Variants in PEX1 observed in about 807,000 individuals in gnomAD.
The protein encoded by PEX1 is peroxisomal ATPase PEX1.
A neutral mutation model predicts 152.5 loss-of-function variants in PEX1; 97 were observed. The ratio of observed to expected loss-of-function variants is 0.64; its 90% confidence interval spans 0.54 to 0.75. PEX1 has a LOEUF of 0.75. Ranked by LOEUF, PEX1 falls within the 30% of genes least tolerant of loss-of-function variation. The probability of loss-of-function intolerance (pLI) is 0.00; values close to 1 mark genes in which losing one functional copy is unlikely to be tolerated. For synonymous variants in PEX1, 485 were observed against 531.6 expected (o/e 0.91, Z 1.21); for missense variants, 1,357 against 1,516.3 (o/e 0.89, Z 1.74).
At chr7:92,489,155 G>T in intron 23 of PEX1, 138 bp downstream of exon 23, 1 of 799,910 alleles carries the variant, frequency 1.3e-6, no homozygotes, top group Non-Finnish European at 2.0e-6. Context: ...TTAATGCATA[G>T]CTACGACACA....
chr7:92,515,792 A>G (rs1275566066), intron 5 of PEX1, among the ~76,000 whole-genome samples: 16 of 149,494 alleles, frequency 1.1e-4, no homozygotes, highest in Non-Finnish European at 1.5e-5. Context: ...CCAGGAGTTC[A>G]AGACTAGCCT....
chr7:92,498,087 A>C (rs1197317378), intron 16 of PEX1, among the ~76,000 whole-genome samples: 1 of 151,628 alleles, frequency 6.6e-6, no homozygotes, highest in Non-Finnish European at 1.5e-5. Flanking sequence ...AAAAAAAAAA[A>C]AAACTAAGGC....
intron 15 of PEX1, among the ~76,000 whole-genome samples, chr7:92,500,845 C>T (rs777242317): frequency 2.0e-5 from 3 of 152,156 alleles, no homozygotes; most frequent in Non-Finnish European, 4.4e-5. Flanking sequence ...CTATCTGCCT[C>T]GTCTATGCCT....
In PEX1 at chr7:92,499,893, CTAAG is replaced by C. The variant is rs1225760543; in HGVS notation, c.2584-59_2584-56del. 6.2e-5 allele frequency: 89 copies of C among 1,427,434 alleles called. 2 individuals are homozygous for C. The South Asian group carries it at 6.3e-4, about 10-fold the overall frequency. 88.4% of individuals were successfully genotyped at this position (1,427,434 alleles called of 1,614,324 possible). A position where few individuals can be genotyped will look rare whatever the true frequency, so the allele number is the denominator to read the frequency against. ...AGAGCTCAAGTCTAAACAGAAATGA[CTAAG>C]TAGCAGCTAAAGATCAATGTATAGA... On this transcript the variant is annotated intron_variant, in intron 15 of 23. Transcript: ENST00000248633.
intron 2 of PEX1, among the ~76,000 whole-genome samples, chr7:92,521,459 T>C (rs1314183260): frequency 6.6e-6 from 1 of 152,132 alleles, no homozygotes; most frequent in South Asian, 2.1e-4. Context: ...TTTCAAGACA[T>C]TGTTTCGCTC....
chr7:92,523,463 AG>A (rs1793137319), intron 1 of PEX1, among the ~76,000 whole-genome samples: 1 of 151,766 alleles, frequency 6.6e-6, no homozygotes, highest in African/African-American at 2.4e-5. Context: ...CTGGGAATAT[AG>A]GCATACACCA....
chr7:92,492,972 A>G lies in PEX1; in HGVS notation c.3188T>C (p.Leu1063Pro), dbSNP rs1791427575. ...NAQLEALHGM[L>P]LSSGLQDGSS... ...ACTTGCCTGGAGTCCACTCGAGAGC[A>G]GCATTCCATGTAAGGCCTCCAATTG... Residue 1063 changes from leucine (L) to proline (P), a missense_variant, in exon 20 of 24, where the codon CTG (leucine) becomes CCG (proline). Transcript: ENST00000248633. 6.2e-7 allele frequency: 1 copy of G among 1,613,796 alleles called. No homozygotes were observed.
chr7:92,505,839 G>C (rs565272317), intron 11 of PEX1, among the ~76,000 whole-genome samples: 1 of 152,288 alleles, frequency 6.6e-6, no homozygotes, highest in African/African-American at 2.4e-5. Flanking sequence ...AAGTACAAAA[G>C]TGTTATATGG....
intron 12 of PEX1, 41 bp from the exon 13 acceptor site, chr7:92,503,236 A>T (rs772953672): frequency 1.3e-6 from 2 of 1,567,460 alleles, no homozygotes; most frequent in Non-Finnish European, 1.8e-6. Context: ...AGGAAAAGTA[A>T]ACATGAAATT....
rs1057517465 is a variant in PEX1, at chr7:92,517,438, CT to C, written c.1076del (p.Lys359SerfsTer7). 5 of 1,613,890 alleles carry C rather than the reference CT, an allele frequency of 3.1e-6. No homozygotes were observed. Among genetic ancestry groups the C allele is most frequent in the Non-Finnish European group, 4.2e-6 (5 of 1,179,990 alleles). On this transcript the variant is annotated frameshift_variant, in exon 5 of 24. Transcript: ENST00000248633. LOFTEE classifies it high-confidence loss of function. ...KQNVLSPEKE[K>X]QMSEPLDQKK... ...TTTGATCTAGTGGCTCTGACATCTG[CT>C]TCTCTTTTTCAGGTGATAACACATT...
chr7:92,501,826 T>C, intron 14 of PEX1, 64 bp downstream of exon 14: 2 of 1,464,640 alleles, frequency 1.4e-6, no homozygotes, highest in South Asian at 1.1e-5. Flanking sequence ...CTTGTCTTAC[T>C]ACAATTACAT....
chr7:92,517,983 G>A lies in PEX1; in HGVS notation c.532C>T (p.Gln178Ter), dbSNP rs1792878746. The change falls in exon 5 of 24, where the codon CAG (glutamine) becomes TAG (stop). Residue 178 changes from glutamine to a stop codon, truncating the protein, a stop_gained. Coordinates refer to ENST00000248633, the MANE Select transcript of PEX1 (RefSeq NM_000466.3). LOFTEE classifies it high-confidence loss of function. Reference protein sequence around the residue: ...RLETDTKLLIQPKTRRAKENT... With the variant: ...RLETDTKLLI ...TCTTTGGCTCGGCGTGTCTTTGGCTGAATAAGGAGTTTGGTGTCAGTTTCC... is the reference window on the plus strand; with the variant it reads ...TCTTTGGCTCGGCGTGTCTTTGGCTAAATAAGGAGTTTGGTGTCAGTTTCC... 1 of 1,613,648 alleles carries A rather than the reference G, an allele frequency of 6.2e-7. No homozygotes were observed. Among genetic ancestry groups the A allele is most frequent in the Non-Finnish European group, 8.5e-7 (1 of 1,179,862 alleles).
In PEX1 at chr7:92,517,301, T is replaced by G; in HGVS notation, c.1214A>C (p.Glu405Ala). 7 of 1,613,852 alleles carry G rather than the reference T, an allele frequency of 4.3e-6. No homozygotes were observed. The highest frequency in any genetic ancestry group is 5.9e-6 in the Non-Finnish European group (7 of 1,179,842). The change falls in exon 5 of 24, where the codon GAA (glutamate) becomes GCA (alanine). Residue 405 changes from glutamate to alanine, a missense_variant. By Grantham distance (107) the Glu-to-Ala change is moderately radical. Transcript: ENST00000248633. ...CCAGACTTTCCCAAGATGGAGAACT[T>G]CTACATTTTTGGTATATTTGATGGC... Reference protein sequence around the residue: ...NNAIKYTKNVEVLHLGKVWIP... With the variant: ...NNAIKYTKNVAVLHLGKVWIP...
chr7:92,513,781 TA>T, intron 6 of PEX1, 66 bp downstream of exon 6: 1 of 1,205,332 alleles, frequency 8.3e-7, no homozygotes, highest in Non-Finnish European at 1.2e-6. Context: ...ATTACTTAGC[TA>T]AAGCAACTAG....
rs1230969563 is a variant in PEX1 at position 92,507,129 on chromosome 7, G to C, written c.1671-3C>G. The C allele has an allele frequency of 6.2e-7, 1 of 1,612,702 alleles. No homozygotes were observed. The highest frequency in any genetic ancestry group is 1.7e-5 in the Admixed American group (1 of 60,000). On this transcript the variant is annotated splice_polypyrimidine_tract_variant and splice_region_variant and intron_variant, in intron 9 of 23. Coordinates refer to ENST00000248633, the MANE Select transcript of PEX1 (RefSeq NM_000466.3). The stretch of plus-strand genomic sequence containing the variant: ...ATACGCCTAAGGAATTCACTCCTCT[G>C]TAAAAAATATACATAGTTACATGAT...
chr7:92,517,387 T>C lies in PEX1; in HGVS notation c.1128A>G (p.Glu376=). 6.2e-7 allele frequency: 1 copy of C among 1,613,986 alleles called. No individual in the cohort carries two copies. ...DQKKIRSDHN[E]EDEKACVLQV... is the part of the protein sequence containing the mutation. Reference sequence around the variant, plus strand: ...GTAGCACACAGGCCTTCTCATCTTCTTCATTATGATCTGACCTAATTTTTT... The same window carrying C: ...GTAGCACACAGGCCTTCTCATCTTCCTCATTATGATCTGACCTAATTTTTT... Residue 376 remains glutamate, a synonymous_variant, in exon 5 of 24, where the codon GAA becomes GAG. Transcript: ENST00000248633.
chr7:92,525,408 T>C (rs1433516792), intron 1 of PEX1, among the ~76,000 whole-genome samples: 2 of 152,246 alleles, frequency 1.3e-5, no homozygotes, highest in African/African-American at 2.4e-5. Flanking sequence ...CATATCCGAA[T>C]GGTGATTTAG....
chr7:92,513,516 A>G (rs1187695695), intron 6 of PEX1, among the ~76,000 whole-genome samples: 1 of 152,138 alleles, frequency 6.6e-6, no homozygotes, highest in Admixed American at 6.6e-5. Context: ...TCATAGAGAC[A>G]CAATATACAT....
chr7:92,510,914 T>G, intron 8 of PEX1, 30 bp downstream of exon 8: 1 of 1,108,622 alleles, frequency 9.0e-7, no homozygotes, highest in Non-Finnish European at 1.4e-6. Flanking sequence ...CAAATAGTAT[T>G]TTATTAAATA....
Sources: gnomAD v4.1 joint callset for allele counts (sites outside exome capture counted in the v4.1 genomes callset) on GRCh38, gnomAD v4.1.1 for gene constraint, MANE v1.5 for transcripts, NCBI Gene and HGNC (gene_info 2026-07-23, HGNC 2026-07-21) for gene names.